STXBP5L: variants seen among roughly 807,000 people sequenced by gnomAD.
The protein encoded by STXBP5L is syntaxin binding protein 5L, also known as syntaxin-binding protein 5-like.
A neutral mutation model predicts 144.5 loss-of-function variants in STXBP5L; 65 were observed. The ratio of observed to expected loss-of-function variants is 0.45; its 90% CI spans 0.37 to 0.55. STXBP5L has a LOEUF of 0.55. STXBP5L is among the 20% of genes least tolerant of loss of function. The probability of loss-of-function intolerance (pLI) is 0.00; values close to 1 mark genes in which losing one functional copy is unlikely to be tolerated. For missense variants in STXBP5L, 1,298 were observed against 1,405.5 expected (o/e 0.92, Z 1.22); for synonymous variants, 505 against 469.6 (o/e 1.08, Z -0.97).
chr3:120,983,435 C>T (rs1264443330), intron 3 of STXBP5L, among the ~76,000 whole-genome samples: 1 of 151,974 alleles, frequency 6.6e-6, no homozygotes, highest in Non-Finnish European at 1.5e-5. Context: ...GTTTGAGTGC[C>T]CTGCTTTCTC....
At chr3:121,028,054 T>A (rs1946078153) in intron 3 of STXBP5L, among the ~76,000 whole-genome samples, 1 of 152,142 alleles carries the variant, frequency 6.6e-6, no homozygotes, top group Admixed American at 6.6e-5. Context: ...GTCAGTTAAA[T>A]TTCTTCAGAA....
chr3:121,034,409 A>G (rs879674529), intron 3 of STXBP5L, among the ~76,000 whole-genome samples: 1 of 152,112 alleles, frequency 6.6e-6, no homozygotes, highest in Non-Finnish European at 1.5e-5. Flanking sequence ...GAGTTGATCT[A>G]ACTTAGGATA....
chr3:121,374,115 C>T (rs1055898629), intron 20 of STXBP5L, among the ~76,000 whole-genome samples: 1 of 152,090 alleles, frequency 6.6e-6, no homozygotes, highest in African/African-American at 2.4e-5. Context: ...CCACTTGGCA[C>T]CTCCATCCCC....
intron 5 of STXBP5L, among the ~76,000 whole-genome samples, chr3:121,087,331 T>A (rs770231261): frequency 1.3e-5 from 2 of 152,082 alleles, no homozygotes; most frequent in Non-Finnish European, 2.9e-5. Context: ...TTCAGTTCTG[T>A]CATGTTTTAT....
intron 5 of STXBP5L, among the ~76,000 whole-genome samples, chr3:121,069,016 A>G (rs776538424): frequency 2.1e-4 from 32 of 152,074 alleles, no homozygotes; most frequent in Non-Finnish European, 4.0e-4. Context: ...GTGTGTGTGT[A>G]TACTTGAATG....
chr3:121,228,926 A>G (rs574052187), intron 11 of STXBP5L, among the ~76,000 whole-genome samples: 1 of 152,314 alleles, frequency 6.6e-6, no homozygotes, highest in South Asian at 2.1e-4. Flanking sequence ...TTGTTTTAAC[A>G]TAGGTGACCA....
chr3:121,041,058 T>C (rs1350650410), intron 3 of STXBP5L, among the ~76,000 whole-genome samples: 3 of 147,134 alleles, frequency 2.0e-5, no homozygotes, highest in Non-Finnish European at 4.6e-5. Flanking sequence ...TGTTTTCTCA[T>C]TCTTTTTTTT....
chr3:121,181,119 C>T (rs1322546402), intron 9 of STXBP5L, among the ~76,000 whole-genome samples: 1 of 75,776 alleles, frequency 1.3e-5, no homozygotes, highest in Admixed American at 1.9e-4. Context: ...AAGAAGAAAA[C>T]AAAAGAAGAG....
intron 3 of STXBP5L, among the ~76,000 whole-genome samples, chr3:120,987,925 G>C (rs1268890307): frequency 2.6e-5 from 4 of 151,724 alleles, no homozygotes; most frequent in African/African-American, 9.7e-5. Context: ...AACCAACTGG[G>C]TCTGGAGATA....
At chr3:121,319,153 T>A (rs2043887861) in intron 20 of STXBP5L, among the ~76,000 whole-genome samples, 1 of 152,172 alleles carries the variant, frequency 6.6e-6, no homozygotes, top group Non-Finnish European at 1.5e-5. Context: ...GCCTGTTTTT[T>A]AAAATTTTTA....
intron 5 of STXBP5L, among the ~76,000 whole-genome samples, chr3:121,069,122 G>A (rs955256804): frequency 2.0e-5 from 3 of 152,066 alleles, no homozygotes; most frequent in South Asian, 2.1e-4. Flanking sequence ...GATTGTTCTT[G>A]TGCTACCCAT....
intron 20 of STXBP5L, among the ~76,000 whole-genome samples, chr3:121,374,624 C>G (rs905814218): frequency 2.1e-4 from 32 of 151,754 alleles, no homozygotes; most frequent in African/African-American, 7.0e-4. Context: ...AAAAAAGAAC[C>G]AAACAAATCC....
chr3:121,211,578 C>CTTTTT lies in STXBP5L; in HGVS notation c.956+5592_956+5596dup, dbSNP rs1188424283. Among the ~76,000 whole-genome samples the CTTTTT allele has an allele frequency of 7.9e-3, 872 of 110,134 alleles. 2 individuals are homozygous for CTTTTT. Among genetic ancestry groups the CTTTTT allele is most frequent in the Non-Finnish European group, 9.0e-3 (515 of 57,496 alleles). The allele number at this position is 110,134 out of a possible 152,430, so 72.3% of individuals were successfully genotyped here. Reference sequence around the variant, plus strand: ...TCTTATTTCCTGACTTTTTTTCTTTCTTTTTTTTTTTTTTTTTTTGAGACA... The same window carrying CTTTTT: ...TCTTATTTCCTGACTTTTTTTCTTTCTTTTTTTTTTTTTTTTTTTTTTTTGAGACA... On this transcript the variant is annotated intron_variant, in intron 10 of 26. Coordinates refer to ENST00000471454, the MANE Select transcript of STXBP5L (RefSeq NM_001308330.2).
chr3:121,373,384 A>G (rs914710581), intron 20 of STXBP5L, among the ~76,000 whole-genome samples: 3 of 152,142 alleles, frequency 2.0e-5, no homozygotes, highest in African/African-American at 7.2e-5. Flanking sequence ...AGTCCACAAG[A>G]CTGCATTGTT....
intron 3 of STXBP5L, among the ~76,000 whole-genome samples, chr3:120,985,475 C>A (rs7619589): frequency 6.6e-6 from 1 of 151,984 alleles, no homozygotes; most frequent in African/African-American, 2.4e-5. Flanking sequence ...ATACAGTATA[C>A]TATTATCAAC....
intron 12 of STXBP5L, among the ~76,000 whole-genome samples, chr3:121,234,791 T>G (rs1252476540): frequency 1.6e-4 from 25 of 152,024 alleles, no homozygotes; most frequent in Non-Finnish European, 1.5e-5. Context: ...ACATTAACAC[T>G]TTTTGGGTAG....
intron 5 of STXBP5L, among the ~76,000 whole-genome samples, chr3:121,051,892 A>G (rs1948032250): frequency 6.6e-6 from 1 of 152,184 alleles, no homozygotes; most frequent in Non-Finnish European, 1.5e-5. Flanking sequence ...GCAATAAAAA[A>G]TGATAAAGGG....
intron 2 of STXBP5L, among the ~76,000 whole-genome samples, chr3:120,914,893 A>C (rs750463384): frequency 6.6e-6 from 1 of 152,096 alleles, no homozygotes; most frequent in Non-Finnish European, 1.5e-5. Context: ...AAGAACCAGA[A>C]ACCAAAGCCA....
At chr3:121,152,356 A>G in intron 7 of STXBP5L, 121 bp from the exon 8 acceptor site, 1 of 723,104 alleles carries the variant, frequency 1.4e-6, no homozygotes. Context: ...AGTTCTAGAA[A>G]AATTTATTCT....
Sources: allele counts gnomAD v4.1 joint callset (sites outside exome capture counted in the v4.1 genomes callset), GRCh38; gene constraint gnomAD v4.1.1; transcripts MANE v1.5; gene names NCBI Gene and HGNC (gene_info 2026-07-23, HGNC 2026-07-21).